The following SEL1L3 variants were observed in gnomAD, a reference collection of about 807,000 sequenced individuals.
SEL1L3 encodes the protein protein sel-1 homolog 3.
A neutral mutation model predicts 142.8 loss-of-function variants in SEL1L3; 76 were observed. The ratio of observed to expected loss-of-function variants is 0.53; its 90% CI spans 0.44 to 0.64. The LOEUF (loss-of-function observed/expected upper bound fraction) is 0.64. Among genes scored for constraint, SEL1L3 ranks in the 30% least tolerant of loss-of-function variants. SEL1L3 has a pLI of 0.00. For synonymous variants in SEL1L3, 504 were observed against 519.6 expected (o/e 0.97, Z 0.41); for missense variants, 1,262 against 1,381.7 (o/e 0.91, Z 1.37).
chr4:25,780,181 C>T (rs1353774646), intron 15 of SEL1L3, among the ~76,000 whole-genome samples: 5 of 152,128 alleles, frequency 3.3e-5, no homozygotes, highest in Non-Finnish European at 7.4e-5. Flanking sequence ...CCACATTCAA[C>T]CCCTCAGCAA....
At chr4:25,847,031 C>T (rs888861887) in intron 2 of SEL1L3, among the ~76,000 whole-genome samples, 6 of 151,638 alleles carry the variant, frequency 4.0e-5, no homozygotes, top group Admixed American at 6.6e-5. Flanking sequence ...TAAAGCAGAT[C>T]TAACCCTCTC....
At chr4:25,839,940 GA>G (rs1207693949) in intron 2 of SEL1L3, among the ~76,000 whole-genome samples, 1 of 152,178 alleles carries the variant, frequency 6.6e-6, no homozygotes, top group Non-Finnish European at 1.5e-5. Context: ...TCCAGTGGGT[GA>G]AGAAAACAGG....
downstream of SEL1L3, among the ~76,000 whole-genome samples, chr4:25,745,493 C>T (rs1717233427): frequency 1.3e-5 from 2 of 152,104 alleles, no homozygotes; most frequent in African/African-American, 4.8e-5. Flanking sequence ...AGCTGGGATG[C>T]CCTGCCGTTC....
At chr4:25,758,304 C>G (rs1465846782) in intron 21 of SEL1L3, among the ~76,000 whole-genome samples, 1 of 152,104 alleles carries the variant, frequency 6.6e-6, no homozygotes, top group African/African-American at 2.4e-5. Flanking sequence ...AACCCTGTCT[C>G]TATTAAAAAC....
downstream of SEL1L3, among the ~76,000 whole-genome samples, chr4:25,744,869 G>A (rs183368537): frequency 3.0e-3 from 459 of 152,336 alleles, 15 homozygotes; most frequent in Admixed American, 0.027. Context: ...CAAGGAGAGA[G>A]GACTTAGAAG....
chr4:25,805,320 G>A (rs1485741199), intron 9 of SEL1L3, among the ~76,000 whole-genome samples: 1 of 152,052 alleles, frequency 6.6e-6, no homozygotes, highest in Non-Finnish European at 1.5e-5. Flanking sequence ...TCATTTAATT[G>A]GTACACTTTT....
At chr4:25,738,934 A>G in the SEL1L3 span, among the ~76,000 whole-genome samples, 1 of 152,086 alleles carries the variant, frequency 6.6e-6, no homozygotes, top group Non-Finnish European at 1.5e-5. Flanking sequence ...GGCTGGGCAC[A>G]GTGGCTCACG....
intron 20 of SEL1L3, 83 bp downstream of exon 20, chr4:25,765,243 G>T: frequency 1.1e-6 from 1 of 887,410 alleles, no homozygotes; most frequent in Non-Finnish European, 1.9e-6. Context: ...ACCCGCCCCC[G>T]TCGGCCTCCC....
intron 4 of SEL1L3, 146 bp from the exon 5 acceptor site, chr4:25,833,256 T>C: frequency 2.8e-6 from 2 of 717,168 alleles, no homozygotes; most frequent in South Asian, 3.7e-5. Flanking sequence ...ATAAATGCAT[T>C]TCTTTGTAAA....
At position 25,753,961 on chromosome 4, in the gene SEL1L3, G is replaced by A. The variant is rs149597167; in HGVS notation, c.3259+3573C>T. Among the ~76,000 whole-genome samples, 857 of 150,304 alleles carry A rather than the reference G, an allele frequency of 5.7e-3. 11 individuals carry two copies. Among genetic ancestry groups the A allele is most frequent in the African/African-American group, 0.02 (804 of 40,642 alleles). ...ATTGTACCACTGTACTCCAGCCTGG[G>A]CGACAGTGAGACTCCGTCTCAACAT... On this transcript the variant is annotated intron_variant, in intron 23 of 23. Coordinates refer to ENST00000399878, the MANE Select transcript of SEL1L3 (RefSeq NM_015187.5).
At position 25,802,416 on chromosome 4, in the gene SEL1L3, G is replaced by A. The variant is rs1471640350; in HGVS notation, c.1823C>T (p.Ser608Phe). 2 of 1,613,734 alleles carry A rather than the reference G, an allele frequency of 1.2e-6. No homozygotes were observed. The highest frequency in any genetic ancestry group is 1.7e-6 in the Non-Finnish European group (2 of 1,179,836). ...LVGGQGSERLSSMNLGYKHYQ... is the reference protein window; with the variant it reads ...LVGGQGSERLFSMNLGYKHYQ... Reference sequence around the variant, plus strand: ...GTGTTTATACCCAAGATTCATTGAAGACAGCCTCTCACTCCCCTGGCCTCC... The same window carrying A: ...GTGTTTATACCCAAGATTCATTGAAAACAGCCTCTCACTCCCCTGGCCTCC... The change falls in exon 11 of 24, where the codon TCT (serine) becomes TTT (phenylalanine). Residue 608 changes from serine to phenylalanine, a missense_variant. By Grantham distance (155) the Ser-to-Phe change is radical. Transcript: ENST00000399878.
At chr4:25,829,304 G>A (rs1436387844) in intron 6 of SEL1L3, among the ~76,000 whole-genome samples, 1 of 152,184 alleles carries the variant, frequency 6.6e-6, no homozygotes, top group Non-Finnish European at 1.5e-5. Flanking sequence ...AATTTCAGAT[G>A]TTCTTTGACA....
chr4:25,860,407 T>C lies in SEL1L3; in HGVS notation c.162+2268A>G, dbSNP rs1717620798. Among the ~76,000 whole-genome samples the C allele has an allele frequency of 2.0e-5, 3 of 152,196 alleles. No individual in the cohort carries two copies. The South Asian group carries it at 6.2e-4, about 32-fold the overall frequency. On this transcript the variant is annotated intron_variant, in intron 1 of 23. Transcript: ENST00000399878. Reference sequence around the variant, plus strand: ...TGATTGAGCAAAATGCACACAATTATACATTTGCGTTTTCTCTCTATTGTT... The same window carrying C: ...TGATTGAGCAAAATGCACACAATTACACATTTGCGTTTTCTCTCTATTGTT...
intron 17 of SEL1L3, among the ~76,000 whole-genome samples, chr4:25,774,023 A>G (rs1265258331): frequency 2.0e-5 from 3 of 152,146 alleles, no homozygotes; most frequent in South Asian, 2.1e-4. Context: ...TGTTCCCTCT[A>G]TTCACCTTAG....
chr4:25,744,962 C>T (rs1045574649), downstream of SEL1L3, among the ~76,000 whole-genome samples: 2 of 152,208 alleles, frequency 1.3e-5, no homozygotes, highest in African/African-American at 4.8e-5. Flanking sequence ...TCAAGCTACC[C>T]AGTATTTGGT....
At position 25,811,761 on chromosome 4, in the gene SEL1L3, T is replaced by TG. The variant is rs202157244; in HGVS notation, c.1564+6376_1564+6377insC. Among the ~76,000 whole-genome samples the TG allele has an allele frequency of 7.9e-3, 1,178 of 148,584 alleles. 17 individuals are homozygous for TG. Among genetic ancestry groups the TG allele is most frequent in the African/African-American group, 0.028 (1,086 of 38,882 alleles). On this transcript the variant is annotated intron_variant, in intron 9 of 23. Coordinates refer to ENST00000399878, the MANE Select transcript of SEL1L3 (RefSeq NM_015187.5). ...TTTTCTTTTCCTGTTTTTTTTTTTT[T>TG]TTTTTGTTGTTGTTGTTGTTAGTAG...
At chr4:25,758,176 CATTGGCT>C (rs1447053321) in intron 21 of SEL1L3, among the ~76,000 whole-genome samples, 1 of 152,214 alleles carries the variant, frequency 6.6e-6, no homozygotes, top group Non-Finnish European at 1.5e-5. Flanking sequence ...TTCAAAAAAG[CATTGGCT>C]ATTTACGCAG....
chr4:25,714,480 C>T, the SEL1L3 span, among the ~76,000 whole-genome samples: 1 of 121,970 alleles, frequency 8.2e-6, no homozygotes, highest in Non-Finnish European at 1.6e-5. Context: ...AAATTGCTTT[C>T]TTTCTTTCTC....
chr4:25,786,149 T>C (rs1403237335), intron 13 of SEL1L3, among the ~76,000 whole-genome samples: 1 of 152,286 alleles, frequency 6.6e-6, no homozygotes, highest in East Asian at 1.9e-4. Context: ...GGCTGCAAGA[T>C]AAGATGGACT....
Sources: gnomAD v4.1 joint callset for allele counts (sites outside exome capture counted in the v4.1 genomes callset) on GRCh38, gnomAD v4.1.1 for gene constraint, MANE v1.5 for transcripts, NCBI Gene and HGNC (gene_info 2026-07-23, HGNC 2026-07-21) for gene names.